The following RTN3 variants were observed in gnomAD, a reference collection of about 807,000 sequenced individuals.
RTN3 encodes reticulon-3.
RTN3 carries 49 observed loss-of-function variants against 77.8 expected under a neutral mutation model. The observed-to-expected ratio is 0.63, with a 90% CI of 0.50 to 0.80. RTN3 has a LOEUF of 0.80. RTN3 is among the 30% of genes least tolerant of loss of function. RTN3 has a pLI of 0.00. For synonymous variants in RTN3, 464 were observed against 446.9 expected, an observed-to-expected ratio of 1.04 and a Z score of -0.48; for missense variants, 1,236 against 1,211.9, an observed-to-expected ratio of 1.02 and a Z score of -0.29.
intron 3 of RTN3, among the ~76,000 whole-genome samples, chr11:63,735,550 T>TTCTCCCTCTCTCTCTCTCTC (rs2013034774): frequency 7.0e-5 from 3 of 42,686 alleles, no homozygotes; most frequent in East Asian, 6.5e-4. Context: ...ATTCTAACAT[T>TTCTCCCTCTCTCTCTCTCTC]TCTCTCTCTC....
At chr11:63,723,552 T>TA (rs1188720374) in intron 3 of RTN3, among the ~76,000 whole-genome samples, 1 of 151,868 alleles carries the variant, frequency 6.6e-6, no homozygotes, top group Non-Finnish European at 1.5e-5. Context: ...GCCTTCCGAG[T>TA]AGCTGGGATT....
chr11:63,701,992 T>C (rs1361245550), intron 1 of RTN3, among the ~76,000 whole-genome samples: 2 of 152,196 alleles, frequency 1.3e-5, no homozygotes, highest in Admixed American at 6.5e-5. Context: ...GTAGATGTGG[T>C]ACTTCATTTT....
intron 3 of RTN3, among the ~76,000 whole-genome samples, chr11:63,735,589 T>TCTCTCC (rs2013056438): frequency 6.7e-6 from 1 of 149,426 alleles, no homozygotes; most frequent in Admixed American, 6.7e-5. Context: ...TCTCTCTCTC[T>TCTCTCC]CTCTCTCTCT....
chr11:63,748,911 G>A (rs945499162), intron 3 of RTN3, among the ~76,000 whole-genome samples: 6 of 151,240 alleles, frequency 4.0e-5, no homozygotes, highest in East Asian at 2.0e-4. Context: ...CAGGTGATCC[G>A]CCCGCCTTGG....
chr11:63,724,246 A>G (rs1336911567), intron 3 of RTN3, among the ~76,000 whole-genome samples: 1 of 131,736 alleles, frequency 7.6e-6, no homozygotes, highest in Non-Finnish European at 1.5e-5. Flanking sequence ...GCAGTGGCGC[A>G]ATCTCGGCTC....
chr11:63,730,646 C>A (rs747945264), intron 3 of RTN3, among the ~76,000 whole-genome samples: 2 of 151,894 alleles, frequency 1.3e-5, no homozygotes, highest in African/African-American at 4.8e-5. Flanking sequence ...TTTGTAGAGA[C>A]CCCCATCTCT....
intron 1 of RTN3, among the ~76,000 whole-genome samples, chr11:63,702,045 T>G (rs1367833324): frequency 6.6e-6 from 1 of 152,188 alleles, no homozygotes; most frequent in Non-Finnish European, 1.5e-5. Flanking sequence ...CTAAATAGTT[T>G]TCATGAATTA....
chr11:63,684,525 TC>T (rs1941262814), intron 1 of RTN3, among the ~76,000 whole-genome samples: 1 of 151,864 alleles, frequency 6.6e-6, no homozygotes, highest in Non-Finnish European at 1.5e-5. Context: ...ACTCCTGGCC[TC>T]ATGTGATCTG....
At chr11:63,740,969 A>G (rs942378281) in intron 3 of RTN3, among the ~76,000 whole-genome samples, 6 of 152,110 alleles carry the variant, frequency 3.9e-5, no homozygotes, top group African/African-American at 1.4e-4. Context: ...CTATTTTACA[A>G]ATGAGGGACC....
intron 2 of RTN3, among the ~76,000 whole-genome samples, chr11:63,718,344 G>T (rs502717): frequency 1.3e-5 from 2 of 152,046 alleles, no homozygotes; most frequent in Admixed American, 6.6e-5. Context: ...TTTTGCTTTT[G>T]TTGATTAGCT....
chr11:63,752,512 A>G lies in RTN3; in HGVS notation c.2744A>G (p.Tyr915Cys), dbSNP rs951623055. The part of the protein sequence containing the change: ...KSEEGHPFKA[Y>C]LDVDITLSSE... ...GTTATTTCTTCTTCTGGAAGAGCCT[A>G]CCTGGACGTAGACATTACTCTGTCC... The change falls in exon 5 of 9, where the codon TAC (tyrosine) becomes TGC (cysteine). Residue 915 changes from tyrosine to cysteine, a missense_variant. Around this residue, in one of 3 missense-constraint regions of RTN3, gnomAD observed 141 missense variants for 154.9 expected, o/e 0.91. Transcript: ENST00000377819. The G allele has an allele frequency of 1.9e-6, 3 of 1,613,092 alleles. No individual in the cohort carries two copies. Among genetic ancestry groups the G allele is most frequent in the Admixed American group, 1.7e-5 (1 of 59,984 alleles).
chr11:63,735,852 TACAC>T (rs1209526634), intron 3 of RTN3, among the ~76,000 whole-genome samples: 1 of 152,044 alleles, frequency 6.6e-6, no homozygotes, highest in Non-Finnish European at 1.5e-5. Context: ...TCTGTGGAAA[TACAC>T]AGAGCAAAGA....
At position 63,759,700 on chromosome 11, in the gene RTN3, G is replaced by A. The variant is rs2135082567; in HGVS notation, c.*1499G>A. 6.9e-6 allele frequency: 1 copy of A among 145,162 alleles called. No homozygotes were observed. The highest frequency in any genetic ancestry group is 2.6e-5 in the African/African-American group (1 of 38,976). 9.0% of individuals were successfully genotyped at this position (145,162 alleles called of 1,614,324 possible). Reference sequence around the variant, plus strand: ...GCTGCTGTGTTTAGATAATTGAAGAGATCTTTGTGCCACACAGGATTTTTT... The same window carrying A: ...GCTGCTGTGTTTAGATAATTGAAGAAATCTTTGTGCCACACAGGATTTTTT... On this transcript the variant is annotated 3_prime_UTR_variant, in exon 9 of 9. Coordinates refer to ENST00000377819, the MANE Select transcript of RTN3 (RefSeq NM_001265589.2).
chr11:63,715,439 T>C (rs1364753234), intron 2 of RTN3, among the ~76,000 whole-genome samples: 2 of 152,100 alleles, frequency 1.3e-5, no homozygotes. Flanking sequence ...AGCAGATTGC[T>C]TGAGCTCAGG....
chr11:63,743,012 C>T (rs2013578256), intron 3 of RTN3, among the ~76,000 whole-genome samples: 1 of 152,164 alleles, frequency 6.6e-6, no homozygotes. Context: ...TCCCGAGTAG[C>T]TGGGACTACA....
intron 5 of RTN3, 132 bp from the exon 6 acceptor site, chr11:63,752,937 T>G: frequency 1.1e-6 from 1 of 926,960 alleles, no homozygotes; most frequent in Non-Finnish European, 1.7e-6. Flanking sequence ...TAGGGAACCT[T>G]CATTTGGAAA....
intron 4 of RTN3, among the ~76,000 whole-genome samples, chr11:63,751,371 C>A (rs1216089949): frequency 6.6e-6 from 1 of 152,200 alleles, no homozygotes; most frequent in Admixed American, 6.5e-5. Context: ...GTATCTCTTA[C>A]TAGTTTTCTT....
chr11:63,752,750 G>T, intron 5 of RTN3, 105 bp downstream of exon 5: 1 of 1,215,918 alleles, frequency 8.2e-7, no homozygotes, highest in Non-Finnish European at 1.2e-6. Context: ...AAAAATGAAC[G>T]TATGCTTAGC....
At chr11:63,714,659 C>T (rs968723957) in intron 2 of RTN3, among the ~76,000 whole-genome samples, 6 of 151,414 alleles carry the variant, frequency 4.0e-5, no homozygotes, top group South Asian at 2.1e-4. Context: ...ACTACAGGCA[C>T]GTGCCACCAT....
Sources: gnomAD v4.1 joint callset for allele counts (sites outside exome capture counted in the v4.1 genomes callset) on GRCh38, gnomAD v4.1.1 for gene constraint, gnomAD v4.1.1 regional missense constraint, MANE v1.5 for transcripts, NCBI Gene and HGNC (gene_info 2026-07-23, HGNC 2026-07-21) for gene names.